HADHA: variants seen among roughly 807,000 people sequenced by gnomAD.
The protein encoded by HADHA is hydroxyacyl-CoA dehydrogenase trifunctional multienzyme complex subunit alpha.
HADHA carries 59 observed loss-of-function variants against 91.3 expected under a neutral mutation model. That is an observed-to-expected ratio of 0.65 (90% CI 0.52 to 0.80). The LOEUF (loss-of-function observed/expected upper bound fraction) is 0.80, where lower values mean the gene tolerates loss of function less well. Ranked by LOEUF, HADHA falls within the 30% of genes least tolerant of loss-of-function variation. The pLI, the probability that HADHA is intolerant of heterozygous loss-of-function variation, is 0.00. For synonymous variants in HADHA, 320 were observed against 338.9 expected, an observed-to-expected ratio of 0.94 and a Z score of 0.61; for missense variants, 800 against 927.6, an observed-to-expected ratio of 0.86 and a Z score of 1.79.
At chr2:26,215,230 T>G (rs996210949) in intron 7 of HADHA, 55 bp from the exon 8 acceptor site, 15 of 1,585,152 alleles carry the variant, frequency 9.5e-6, no homozygotes, top group Non-Finnish European at 1.3e-5. Context: ...CAGTCCCAGG[T>G]AGTGAAAAAC....
chr2:26,201,667 AAG>A lies in HADHA; in HGVS notation c.1221-349_1221-348del. ...CATGAATACTAGAATGGCAAAACAA[AAG>A]AGGAGTTCTGGTAATTCTCTACCTA... On this transcript the variant is annotated intron_variant, in intron 12 of 19. Coordinates refer to ENST00000380649, the MANE Select transcript of HADHA (RefSeq NM_000182.5). 3.9e-5 allele frequency among the ~76,000 whole-genome samples: 6 copies of A among 152,366 alleles called. 1 individual carries two copies. Among genetic ancestry groups the A allele is most frequent in the Admixed American group, 3.9e-4 (6 of 15,306 alleles).
At chr2:26,208,405 G>A (rs941842384) in intron 11 of HADHA, among the ~76,000 whole-genome samples, 2 of 151,990 alleles carry the variant, frequency 1.3e-5, no homozygotes, top group South Asian at 2.1e-4. Flanking sequence ...ACCTCCATAC[G>A]ACAATAAATG....
At chr2:26,213,913 A>C (rs1039613385) in intron 9 of HADHA, among the ~76,000 whole-genome samples, 1 of 152,168 alleles carries the variant, frequency 6.6e-6, no homozygotes, top group African/African-American at 2.4e-5. Context: ...GACTTTCCAC[A>C]CTGAAAAGTT....
chr2:26,193,191 C>G (rs1203197342), intron 17 of HADHA, among the ~76,000 whole-genome samples: 2 of 151,824 alleles, frequency 1.3e-5, no homozygotes, highest in Non-Finnish European at 1.5e-5. Context: ...GCTTGTCCAT[C>G]TGGCATAACT....
intron 6 of HADHA, among the ~76,000 whole-genome samples, chr2:26,231,660 C>G (rs1403207221): frequency 1.3e-5 from 2 of 152,000 alleles, no homozygotes; most frequent in African/African-American, 4.8e-5. Flanking sequence ...AACAAAGGAC[C>G]TTGATCAATA....
intron 9 of HADHA, among the ~76,000 whole-genome samples, chr2:26,213,624 G>A (rs1670153741): frequency 6.6e-6 from 1 of 152,144 alleles, no homozygotes; most frequent in Non-Finnish European, 1.5e-5. Context: ...GTTGGGGTCA[G>A]ATCCCATGAG....
chr2:26,244,337 G>A (rs1671017073), intron 1 of HADHA, among the ~76,000 whole-genome samples, 193 bp downstream of exon 1: 1 of 152,234 alleles, frequency 6.6e-6, no homozygotes, highest in Non-Finnish European at 1.5e-5. Flanking sequence ...AATCGCCGCA[G>A]GAGTCGTGAG....
At chr2:26,220,677 T>C (rs551929247) in intron 7 of HADHA, among the ~76,000 whole-genome samples, 1 of 152,256 alleles carries the variant, frequency 6.6e-6, no homozygotes, top group African/African-American at 2.4e-5. Flanking sequence ...TGACAAAAGC[T>C]TTTTTTTCTT....
intron 6 of HADHA, among the ~76,000 whole-genome samples, chr2:26,231,157 T>C (rs1334479634): frequency 6.6e-6 from 1 of 152,142 alleles, no homozygotes; most frequent in African/African-American, 2.4e-5. Context: ...TACACATATA[T>C]GCATATTCAT....
At chr2:26,193,014 T>C (rs2147751249) in intron 17 of HADHA, among the ~76,000 whole-genome samples, 1 of 152,222 alleles carries the variant, frequency 6.6e-6, no homozygotes, top group East Asian at 1.9e-4. Flanking sequence ...TAATGCTGAT[T>C]TTGCTGTTTT....
At chr2:26,226,221 A>C (rs1670481420) in intron 7 of HADHA, among the ~76,000 whole-genome samples, 1 of 152,192 alleles carries the variant, frequency 6.6e-6, no homozygotes, top group Admixed American at 6.5e-5. Context: ...GGATGAAATG[A>C]CTCAATATTT....
chr2:26,222,612 T>C (rs969001349), intron 7 of HADHA, among the ~76,000 whole-genome samples: 1 of 152,182 alleles, frequency 6.6e-6, no homozygotes, highest in African/African-American at 2.4e-5. Flanking sequence ...AGGTTATGCA[T>C]GGGCTTAGGC....
intron 5 of HADHA, among the ~76,000 whole-genome samples, chr2:26,232,727 G>A (rs1670651982): frequency 6.6e-6 from 1 of 152,174 alleles, no homozygotes; most frequent in Non-Finnish European, 1.5e-5. Context: ...ACCAGGCACA[G>A]GTTTTCTTAA....
At chr2:26,212,414 G>C (rs1670123042) in intron 10 of HADHA, 156 bp downstream of exon 10, 10 of 682,318 alleles carry the variant, frequency 1.5e-5, no homozygotes, top group Non-Finnish European at 2.4e-5. Flanking sequence ...GCATCCACTT[G>C]CTCACTGAGA....
At chr2:26,197,834 C>T in intron 13 of HADHA, 57 bp from the exon 14 acceptor site, 1 of 886,942 alleles carries the variant, frequency 1.1e-6, no homozygotes, top group Non-Finnish European at 1.9e-6. Context: ...TGATTAGAGG[C>T]CACATCAAAG....
intron 7 of HADHA, among the ~76,000 whole-genome samples, chr2:26,219,177 G>A (rs897890482): frequency 6.6e-6 from 1 of 151,638 alleles, no homozygotes; most frequent in African/African-American, 2.4e-5. Context: ...TGCCCAGGCT[G>A]GAGTGCAGTG....
chr2:26,222,427 G>T (rs1670395783), intron 7 of HADHA, among the ~76,000 whole-genome samples: 1 of 152,098 alleles, frequency 6.6e-6, no homozygotes, highest in African/African-American at 2.4e-5. Context: ...CTCTGAATAG[G>T]CAAATAATGT....
intron 3 of HADHA, 105 bp downstream of exon 3, chr2:26,238,829 A>T: frequency 2.5e-6 from 2 of 802,136 alleles, no homozygotes; most frequent in Non-Finnish European, 4.5e-6. Context: ...ATGTAAGATT[A>T]CTGCCAGATT....
chr2:26,235,983 G>C (rs987278931), intron 4 of HADHA, among the ~76,000 whole-genome samples: 9 of 152,200 alleles, frequency 5.9e-5, no homozygotes, highest in Non-Finnish European at 1.0e-4. Flanking sequence ...CTTCATGTTT[G>C]TAGTGTCTCC....
Sources: gnomAD v4.1 joint callset for allele counts (sites outside exome capture counted in the v4.1 genomes callset) on GRCh38, gnomAD v4.1.1 for gene constraint, MANE v1.5 for transcripts, NCBI Gene and HGNC (gene_info 2026-07-23, HGNC 2026-07-21) for gene names.